TCF4: variants seen among roughly 807,000 people sequenced by gnomAD.
The protein encoded by TCF4 is SL3-3 enhancer factor 2.
A neutral mutation model predicts 82.1 loss-of-function variants in TCF4; 3 were observed. That is an observed-to-expected ratio of 0.04 (90% CI 0.02 to 0.09). TCF4 has a LOEUF of 0.09. TCF4 is among the 10% of genes least tolerant of loss of function. The pLI is 1.00. For missense variants in TCF4, 518 were observed against 852.7 expected, an observed-to-expected ratio of 0.61 and a Z score of 4.89; for synonymous variants, 276 against 309.6, an observed-to-expected ratio of 0.89 and a Z score of 1.14.
intron 3 of TCF4, chr18:55,482,341 T>C (rs1211664157): frequency 6.6e-6 from 1 of 152,210 alleles, no homozygotes; most frequent in African/African-American, 2.4e-5. Flanking sequence ...ATACCATGCA[T>C]GGATTTGCTT....
At chr18:55,593,833 G>GACCTGAGGC (rs1555787209) in intron 2 of TCF4, among the ~76,000 whole-genome samples, 1 of 149,688 alleles carries the variant, frequency 6.7e-6, no homozygotes, top group Non-Finnish European at 1.5e-5. Context: ...AAAAATGTAG[G>GACCTGAGGC]AAAAAAAAAA....
chr18:55,382,434 G>A (rs994081125), intron 6 of TCF4, among the ~76,000 whole-genome samples: 2 of 151,904 alleles, frequency 1.3e-5, no homozygotes, highest in African/African-American at 4.8e-5. Flanking sequence ...ACCAAGAGAG[G>A]AAAAAAGTTG....
intron 10 of TCF4, among the ~76,000 whole-genome samples, chr18:55,273,400 C>A (rs573795622): frequency 3.3e-5 from 5 of 152,210 alleles, no homozygotes; most frequent in Admixed American, 2.0e-4. Flanking sequence ...CAGTATGGGG[C>A]TAGCCAGATG....
chr18:55,499,940 TG>T (rs1260733251), intron 3 of TCF4, among the ~76,000 whole-genome samples: 8 of 152,116 alleles, frequency 5.3e-5, no homozygotes, highest in Admixed American at 5.2e-4. Context: ...CCCAGCACTT[TG>T]GGAGGCTGAG....
chr18:55,257,694 G>T (rs1051888188), intron 13 of TCF4, among the ~76,000 whole-genome samples: 1 of 152,136 alleles, frequency 6.6e-6, no homozygotes, highest in African/African-American at 2.4e-5. Flanking sequence ...TATCACCATG[G>T]AATCAAGGTA....
chr18:55,444,812 G>A (rs182757966), intron 5 of TCF4, among the ~76,000 whole-genome samples: 37 of 152,126 alleles, frequency 2.4e-4, no homozygotes. Context: ...AAACTGAACT[G>A]ACCACCTTAA....
intron 3 of TCF4, among the ~76,000 whole-genome samples, chr18:55,580,814 G>A (rs1328468345): frequency 6.6e-6 from 1 of 151,126 alleles, no homozygotes; most frequent in Non-Finnish European, 1.5e-5. Context: ...ACAAACCTGA[G>A]GTTAAAACCT....
intron 3 of TCF4, 49 bp downstream of exon 3, chr18:55,585,231 T>C: frequency 6.4e-7 from 1 of 1,553,110 alleles, no homozygotes; most frequent in Non-Finnish European, 8.9e-7. Context: ...ATTGAGTAAA[T>C]AAACAGCCCA....
rs1375242959 is a variant in TCF4, at chr18:55,228,872, G to A, written c.1854C>T (p.Ile618=). ...CTCGGACTTGCTGCTCCAGACTGAG[G>A]ATGACGGCCACCGCCTGGTGGAGGA... The part of the protein sequence containing the change: ...LLILHQAVAV[I]LSLEQQVRER... Residue 618 remains isoleucine, a synonymous_variant, in exon 18 of 20, where the codon ATC becomes ATT. Transcript: ENST00000354452. 3.7e-6 allele frequency: 6 copies of A among 1,614,044 alleles called. No individual in the cohort carries two copies. Among genetic ancestry groups the A allele is most frequent in the African/African-American group, 2.7e-5 (2 of 74,928 alleles).
At chr18:55,321,944 A>G in intron 8 of TCF4, 4 of 1,368,420 alleles carry the variant, frequency 2.9e-6, no homozygotes, top group Non-Finnish European at 3.8e-6. Context: ...TGCGCAGCGG[A>G]GCTGGAAGGC....
intron 2 of TCF4, among the ~76,000 whole-genome samples, chr18:55,616,200 A>G (rs1026181831): frequency 8.5e-5 from 13 of 152,204 alleles, no homozygotes; most frequent in African/African-American, 2.4e-4. Flanking sequence ...ACCATTTTAC[A>G]TACTTTATAT....
At chr18:55,531,126 G>A (rs965893616) in intron 3 of TCF4, among the ~76,000 whole-genome samples, 1 of 151,722 alleles carries the variant, frequency 6.6e-6, no homozygotes, top group African/African-American at 2.4e-5. Context: ...TAATTTTTTT[G>A]TATTTTTAGT....
intron 10 of TCF4, 38 bp from the exon 11 acceptor site, chr18:55,270,001 C>G (rs376419676): frequency 2.0e-5 from 33 of 1,611,324 alleles, no homozygotes; most frequent in Non-Finnish European, 2.8e-5. Context: ...CATATTTAAT[C>G]ATAAGGTATT....
chr18:55,553,975 C>T (rs1289976989), intron 3 of TCF4, among the ~76,000 whole-genome samples: 1 of 152,040 alleles, frequency 6.6e-6, no homozygotes, highest in Admixed American at 6.6e-5. Flanking sequence ...CAATCATATT[C>T]ATTATTAAAT....
upstream of TCF4, chr18:55,589,692 A>ATCCTCC: frequency 9.7e-7 from 1 of 1,033,740 alleles, no homozygotes; most frequent in South Asian, 4.6e-5. Flanking sequence ...CATCATCATC[A>ATCCTCC]TCCTCCTCCT....
At chr18:55,361,590 A>G (rs2085212882) in intron 6 of TCF4, among the ~76,000 whole-genome samples, 1 of 152,174 alleles carries the variant, frequency 6.6e-6, no homozygotes, top group African/African-American at 2.4e-5. Flanking sequence ...GGACTGGTCA[A>G]ATGTCATCTC....
chr18:55,608,413 A>G (rs2097704169), intron 2 of TCF4, among the ~76,000 whole-genome samples: 1 of 131,634 alleles, frequency 7.6e-6, no homozygotes, highest in Non-Finnish European at 1.6e-5. Flanking sequence ...TTTAGTTGTC[A>G]CAGGTCAAAA....
At chr18:55,343,961 C>T (rs570683641) in intron 8 of TCF4, among the ~76,000 whole-genome samples, 6 of 152,086 alleles carry the variant, frequency 3.9e-5, no homozygotes, top group Non-Finnish European at 7.4e-5. Flanking sequence ...TTTAATAATC[C>T]AGTGCAGTTA....
chr18:55,364,390 C>A (rs1276538467), intron 6 of TCF4, among the ~76,000 whole-genome samples: 1 of 152,182 alleles, frequency 6.6e-6, no homozygotes, highest in Non-Finnish European at 1.5e-5. Context: ...TTCTGTAGCA[C>A]ATGACCTGTT....
Sources: allele counts gnomAD v4.1 joint callset (sites outside exome capture counted in the v4.1 genomes callset), GRCh38; gene constraint gnomAD v4.1.1; transcripts MANE v1.5; gene names NCBI Gene and HGNC (gene_info 2026-07-23, HGNC 2026-07-21).